GPC5: variants seen among roughly 807,000 people sequenced by gnomAD.
The protein encoded by GPC5 is glypican 5.
A neutral mutation model predicts 53.9 loss-of-function variants in GPC5; 47 were observed. The observed-to-expected ratio is 0.87, with a 90% CI of 0.69 to 1.11. The LOEUF is 1.11. Ranked by LOEUF, GPC5 falls within the 50% of genes most tolerant of loss-of-function variation. GPC5 has a pLI of 0.00. For missense variants in GPC5, 748 were observed against 713.1 expected (o/e 1.05, Z -0.56); for synonymous variants, 286 against 263.3 (o/e 1.09, Z -0.84).
Position 91,550,559 on chromosome 13 carries a change from C to T in GPC5, c.325+101637C>T, listed in dbSNP as rs1594240915. Among the ~76,000 whole-genome samples the T allele has an allele frequency of 2.0e-5, 3 of 152,230 alleles. No individual in the cohort carries two copies. In the East Asian group the frequency reaches 5.8e-4, roughly 29 times the overall value. On this transcript the variant is annotated intron_variant, in intron 2 of 7. Coordinates refer to ENST00000377067, the MANE Select transcript of GPC5 (RefSeq NM_004466.6). ...TACAAGAGTTAAGGATACATTTACT[C>T]ATTAATTGTTGATGTTCTTGTGGAT...
intron 7 of GPC5, among the ~76,000 whole-genome samples, chr13:92,369,602 T>C (rs1020702307): frequency 6.6e-6 from 1 of 152,228 alleles, no homozygotes; most frequent in African/African-American, 2.4e-5. Context: ...TTACAAGCTA[T>C]TGTAGGAAAA....
intron 7 of GPC5, among the ~76,000 whole-genome samples, chr13:92,166,956 TCACACACACACA>T (rs199854897): frequency 1.2e-3 from 98 of 84,804 alleles, no homozygotes; most frequent in East Asian, 2.0e-3. Flanking sequence ...TCTCTCTCTC[TCACACACACACA>T]CACACACACA....
At chr13:92,638,973 G>T (rs1250523155) in intron 7 of GPC5, among the ~76,000 whole-genome samples, 2 of 152,108 alleles carry the variant, frequency 1.3e-5, no homozygotes, top group African/African-American at 2.4e-5. Flanking sequence ...TTGCCAATCT[G>T]TTTACACCAT....
intron 3 of GPC5, among the ~76,000 whole-genome samples, chr13:91,728,208 C>G (rs970238057): frequency 2.0e-5 from 3 of 152,008 alleles, no homozygotes; most frequent in Admixed American, 1.3e-4. Context: ...ACATATAAAT[C>G]ATAAATAATA....
At chr13:91,903,031 CT>C (rs3029748) in intron 5 of GPC5, among the ~76,000 whole-genome samples, 45 of 148,190 alleles carry the variant, frequency 3.0e-4, no homozygotes, top group Middle Eastern at 3.5e-3. Flanking sequence ...CAGCTCAGTA[CT>C]TTTTTTTTTT....
chr13:92,366,004 G>T (rs545558068), intron 7 of GPC5, among the ~76,000 whole-genome samples: 2 of 151,706 alleles, frequency 1.3e-5, no homozygotes, highest in South Asian at 4.2e-4. Flanking sequence ...ATAATGCACT[G>T]CACATCATTG....
At chr13:92,550,635 A>G (rs1183445817) in intron 7 of GPC5, among the ~76,000 whole-genome samples, 1 of 151,826 alleles carries the variant, frequency 6.6e-6, no homozygotes, top group Non-Finnish European at 1.5e-5. Context: ...TTTGGAATCT[A>G]TATTTTGACT....
At chr13:92,335,411 C>T (rs77478580) in intron 7 of GPC5, among the ~76,000 whole-genome samples, 1 of 152,082 alleles carries the variant, frequency 6.6e-6, no homozygotes, top group Non-Finnish European at 1.5e-5. Flanking sequence ...TCAAAGCAAC[C>T]ATTTTTCTTT....
intron 6 of GPC5, among the ~76,000 whole-genome samples, chr13:92,142,027 T>C (rs2041835509): frequency 6.6e-6 from 1 of 152,078 alleles, no homozygotes; most frequent in Admixed American, 6.6e-5. Context: ...AATGTCTAAC[T>C]TCTGGTGATA....
At chr13:92,409,893 A>T (rs140330528) in intron 7 of GPC5, among the ~76,000 whole-genome samples, 1 of 152,224 alleles carries the variant, frequency 6.6e-6, no homozygotes, top group South Asian at 2.1e-4. Context: ...AACTGTCAAG[A>T]TACGACTTTA....
At chr13:91,750,563 C>T (rs186924979) in intron 4 of GPC5, among the ~76,000 whole-genome samples, 71 of 151,752 alleles carry the variant, frequency 4.7e-4, no homozygotes, top group Middle Eastern at 6.8e-3. Flanking sequence ...AAATATTTCA[C>T]GTAAAACTGG....
At chr13:92,859,720 T>G (rs1807186217) in intron 7 of GPC5, among the ~76,000 whole-genome samples, 1 of 152,166 alleles carries the variant, frequency 6.6e-6, no homozygotes, top group Non-Finnish European at 1.5e-5. Context: ...TTAAATTTTC[T>G]ATTTGTATAT....
chr13:92,809,735 A>G (rs2138796917), intron 7 of GPC5, among the ~76,000 whole-genome samples: 1 of 152,320 alleles, frequency 6.6e-6, no homozygotes, highest in South Asian at 2.1e-4. Flanking sequence ...AACAGGTGTC[A>G]TAATAATGAA....
intron 7 of GPC5, among the ~76,000 whole-genome samples, chr13:92,708,092 A>C (rs1209765842): frequency 6.6e-6 from 1 of 152,188 alleles, no homozygotes; most frequent in East Asian, 1.9e-4. Flanking sequence ...CATATATTTT[A>C]AGTGTTTATT....
chr13:92,758,680 C>A (rs1227107702), intron 7 of GPC5, among the ~76,000 whole-genome samples: 3 of 152,040 alleles, frequency 2.0e-5, no homozygotes, highest in African/African-American at 7.2e-5. Flanking sequence ...TTAAAATAAT[C>A]CCATTTCTCT....
chr13:92,117,258 T>C (rs972072398), intron 6 of GPC5, among the ~76,000 whole-genome samples: 3 of 152,244 alleles, frequency 2.0e-5, no homozygotes, highest in African/African-American at 7.2e-5. Flanking sequence ...AATGGCATTA[T>C]GTTGCCTTTG....
Position 91,552,891 on chromosome 13 carries a change from G to C in GPC5, c.325+103969G>C, listed in dbSNP as rs1297531336. ...TCCCAACAGGAATGTTGTATTTTAT[G>C]GATTCTAATACACACATTTTCTGGA... On this transcript the variant is annotated intron_variant, in intron 2 of 7. Coordinates refer to ENST00000377067, the MANE Select transcript of GPC5 (RefSeq NM_004466.6). Among the ~76,000 whole-genome samples, 4 of 152,144 alleles carry C rather than the reference G, an allele frequency of 2.6e-5. No individual in the cohort carries two copies. In the South Asian group the frequency reaches 8.3e-4, roughly 32 times the overall value.
intron 3 of GPC5, among the ~76,000 whole-genome samples, chr13:91,710,951 G>A (rs1250985695): frequency 2.0e-5 from 3 of 152,196 alleles, no homozygotes; most frequent in Admixed American, 6.5e-5. Context: ...CGCAGATCAT[G>A]TCAAAGGCTC....
chr13:92,079,653 A>G (rs891886421), intron 6 of GPC5, among the ~76,000 whole-genome samples: 7 of 152,186 alleles, frequency 4.6e-5, no homozygotes, highest in Admixed American at 4.6e-4. Context: ...GTTCTGGCTC[A>G]TATAAATTCT....
Sources: gnomAD v4.1 joint callset for allele counts (sites outside exome capture counted in the v4.1 genomes callset) on GRCh38, gnomAD v4.1.1 for gene constraint, MANE v1.5 for transcripts, NCBI Gene and HGNC (gene_info 2026-07-23, HGNC 2026-07-21) for gene names.